Variants in ACER1 observed in about 807,000 individuals in gnomAD.
ACER1 encodes the protein alkaline ceramidase 1, also known as CTB-180A7.3.
ACER1 carries 28 observed loss-of-function variants against 24.9 expected under a neutral mutation model. The ratio of observed to expected loss-of-function variants is 1.13; its 90% CI spans 0.83 to 1.54. The LOEUF (loss-of-function observed/expected upper bound fraction) is 1.54. Ranked by LOEUF, ACER1 falls within the 40% of genes most tolerant of loss-of-function variation. The pLI, the probability that ACER1 is intolerant of heterozygous loss-of-function variation, is 0.00. For synonymous variants in ACER1, 132 were observed against 131.4 expected (o/e 1.00, Z -0.03); for missense variants, 352 against 349.3 (o/e 1.01, Z -0.06).
upstream of ACER1, among the ~76,000 whole-genome samples, chr19:6,338,174 T>C (rs781357015): frequency 1.2e-4 from 18 of 152,178 alleles, no homozygotes; most frequent in Admixed American, 5.2e-4. Context: ...TTTCCTAGGC[T>C]GGAGGGCAGT....
intron 1 of ACER1, among the ~76,000 whole-genome samples, chr19:6,315,258 C>T (rs949807255): frequency 8.6e-5 from 13 of 151,896 alleles, no homozygotes; most frequent in African/African-American, 3.1e-4. Flanking sequence ...GGCTGGAATG[C>T]AGTGACACGA....
intron 1 of ACER1, among the ~76,000 whole-genome samples, chr19:6,318,656 G>T (rs2091615258): frequency 6.9e-6 from 1 of 145,194 alleles, no homozygotes; most frequent in African/African-American, 2.5e-5. Context: ...TGTGGTGGCA[G>T]GCGCCTGTAG....
intron 1 of ACER1, among the ~76,000 whole-genome samples, chr19:6,325,498 CA>C (rs1331957074): frequency 6.6e-6 from 1 of 152,020 alleles, no homozygotes; most frequent in Admixed American, 6.6e-5. Context: ...ATTAAAAATA[CA>C]AAAAATTAGC....
intron 1 of ACER1, among the ~76,000 whole-genome samples, chr19:6,320,334 C>T (rs143000174): frequency 3.9e-5 from 6 of 152,062 alleles, no homozygotes; most frequent in Non-Finnish European, 5.9e-5. Flanking sequence ...AATTAAAATG[C>T]GTATATCTCA....
At chr19:6,311,999 G>C in intron 3 of ACER1, 150 bp downstream of exon 3, 2 of 1,075,222 alleles carry the variant, frequency 1.9e-6, no homozygotes, top group Non-Finnish European at 1.3e-6. Flanking sequence ...GTCAGGCAGG[G>C]TCAGGAGAAA....
rs200153616 is a variant in ACER1, at chr19:6,311,504, T to C, written c.350+645A>G. 1.3e-4 allele frequency among the ~76,000 whole-genome samples: 20 copies of C among 151,650 alleles called. No individual in the cohort carries two copies. In the East Asian group the frequency reaches 3.7e-3, roughly 28 times the overall value. Reference sequence around the variant, plus strand: ...CTGCAGTGAGCCGAGATCGCACCACTGCACTCCAGTGTGGGTGACAGAGCG... The same window carrying C: ...CTGCAGTGAGCCGAGATCGCACCACCGCACTCCAGTGTGGGTGACAGAGCG... On this transcript the variant is annotated intron_variant, in intron 3 of 5. Coordinates refer to ENST00000301452, the MANE Select transcript of ACER1 (RefSeq NM_133492.3).
upstream of ACER1, among the ~76,000 whole-genome samples, chr19:6,335,462 A>G (rs1393348722): frequency 6.6e-6 from 1 of 151,802 alleles, no homozygotes; most frequent in Non-Finnish European, 1.5e-5. Flanking sequence ...TGACCTTGTG[A>G]TCTGCCCGTC....
At chr19:6,309,935 A>G in intron 3 of ACER1, 101 bp from the exon 4 acceptor site, 1 of 1,471,590 alleles carries the variant, frequency 6.8e-7, no homozygotes, top group African/African-American at 1.4e-5. Flanking sequence ...AGAAAAGGAC[A>G]GGATTCTGGG....
Position 6,306,826 on chromosome 19 carries a change from TCCA to T in ACER1, c.680_682del (p.Val227del). On this transcript the variant is annotated inframe_deletion, in exon 6 of 6. Coordinates refer to ENST00000301452, the MANE Select transcript of ACER1 (RefSeq NM_133492.3). Reference sequence around the variant, plus strand: ...TTCACCTGGCATCTCATAGTTGGCATCCACCAAGGCCATGGTGACCATGCCATA... The same window carrying T: ...TTCACCTGGCATCTCATAGTTGGCATCCAAGGCCATGGTGACCATGCCATA... The T allele has an allele frequency of 1.2e-6, 2 of 1,614,182 alleles. No individual in the cohort carries two copies. Among genetic ancestry groups the T allele is most frequent in the Non-Finnish European group, 1.7e-6 (2 of 1,180,022 alleles).
the ACER1 span, among the ~76,000 whole-genome samples, chr19:6,347,583 C>T: frequency 6.6e-6 from 1 of 151,496 alleles, no homozygotes; most frequent in Non-Finnish European, 1.5e-5. Context: ...CGCCTGTTAT[C>T]CCAGCACTTT....
At chr19:6,336,813 C>T (rs1449863639), upstream of ACER1, among the ~76,000 whole-genome samples, 5 of 136,664 alleles carry the variant, frequency 3.7e-5, no homozygotes, top group African/African-American at 1.5e-4. Context: ...GATCGAGACC[C>T]CGACTCAAAA....
chr19:6,344,405 G>T, the ACER1 span, among the ~76,000 whole-genome samples: 2 of 151,870 alleles, frequency 1.3e-5, no homozygotes, highest in South Asian at 4.2e-4. Context: ...TTGTGCCATT[G>T]CACTCCATCT....
At chr19:6,356,272 A>C in the ACER1 span, among the ~76,000 whole-genome samples, 1 of 148,454 alleles carries the variant, frequency 6.7e-6, no homozygotes. Flanking sequence ...GCTTGAAGGC[A>C]GCATGCTGGT....
At chr19:6,353,851 TAATAA>T in the ACER1 span, among the ~76,000 whole-genome samples, 1 of 150,194 alleles carries the variant, frequency 6.7e-6, no homozygotes, top group African/African-American at 2.5e-5. Context: ...TACAATAAAA[TAATAA>T]AATAAAATAA....
At chr19:6,339,389 C>T in the ACER1 span, among the ~76,000 whole-genome samples, 1 of 151,838 alleles carries the variant, frequency 6.6e-6, no homozygotes, top group East Asian at 1.9e-4. Context: ...TGTGTGATCC[C>T]ACTCCTAGGA....
chr19:6,340,001 C>T, the ACER1 span, among the ~76,000 whole-genome samples: 4 of 150,176 alleles, frequency 2.7e-5, no homozygotes, highest in Non-Finnish European at 5.9e-5. Flanking sequence ...TGGGGCTGGG[C>T]GTGGTGGCTC....
chr19:6,359,701 TG>T, the ACER1 span, among the ~76,000 whole-genome samples: 1 of 152,152 alleles, frequency 6.6e-6, no homozygotes, highest in African/African-American at 2.4e-5. Flanking sequence ...TGGGAGGACC[TG>T]AAGACTTCTC....
intron 1 of ACER1, among the ~76,000 whole-genome samples, chr19:6,332,118 C>G (rs1264542727): frequency 3.3e-5 from 5 of 151,862 alleles, no homozygotes; most frequent in African/African-American, 1.2e-4. Context: ...AGGTGCCTGC[C>G]ACCAAACCTG....
Position 6,306,625 on chromosome 19 carries a change from G to C in ACER1, c.*89C>G. The C allele has an allele frequency of 6.9e-7, 1 of 1,456,926 alleles. No individual in the cohort carries two copies. The highest frequency in any genetic ancestry group is 9.3e-7 in the Non-Finnish European group (1 of 1,073,846). The allele number at this position is 1,456,926 out of a possible 1,614,324, so 90.2% of individuals were successfully genotyped here. On this transcript the variant is annotated 3_prime_UTR_variant, in exon 6 of 6. Transcript: ENST00000301452. ...GGAAACAGAGGAAGGAACCACGAGT[G>C]TCCCGCAGGTGCAAGTCCTGACCGG... is the stretch of plus-strand genomic sequence containing the variant.
Sources: allele counts gnomAD v4.1 joint callset (sites outside exome capture counted in the v4.1 genomes callset), GRCh38; gene constraint gnomAD v4.1.1; transcripts MANE v1.5; gene names NCBI Gene and HGNC (gene_info 2026-07-23, HGNC 2026-07-21).